Variants in SLC9A3 observed in about 807,000 individuals in gnomAD.
SLC9A3 encodes sodium/hydrogen exchanger 3.
In SLC9A3, 37 loss-of-function variants were observed where a neutral mutation model predicts 86.8. That is an observed-to-expected ratio of 0.43 (90% CI 0.33 to 0.56). SLC9A3 has a LOEUF of 0.56. Among genes scored for constraint, SLC9A3 ranks in the 20% least tolerant of loss-of-function variants. The probability of loss-of-function intolerance (pLI) is 0.06; values close to 1 mark genes in which losing one functional copy is unlikely to be tolerated. For missense variants in SLC9A3, 1,011 were observed against 1,171.9 expected, an observed-to-expected ratio of 0.86 and a Z score of 2.00; for synonymous variants, 581 against 528.3, an observed-to-expected ratio of 1.10 and a Z score of -1.37.
intron 2 of SLC9A3, among the ~76,000 whole-genome samples, chr5:490,501 C>T (rs539308227): frequency 2.0e-5 from 3 of 152,320 alleles, no homozygotes; most frequent in South Asian, 2.1e-4. Context: ...CAATGCTAGG[C>T]GGGGACCATT....
chr5:519,603 G>C (rs116724270), intron 1 of SLC9A3, among the ~76,000 whole-genome samples: 1 of 152,170 alleles, frequency 6.6e-6, no homozygotes, highest in Non-Finnish European at 1.5e-5. Context: ...GTAAGACAGC[G>C]GGGGTCCGGG....
Position 496,441 on chromosome 5 carries a change from A to G in SLC9A3, c.212-4370T>C, listed in dbSNP as rs1473759740. On this transcript the variant is annotated intron_variant, in intron 1 of 16. Coordinates refer to ENST00000264938, the MANE Select transcript of SLC9A3 (RefSeq NM_004174.4). The surrounding 1 kb of genome is among the most constrained non-coding windows in gnomAD (Gnocchi z 4.7). ...GACGCGTGAACGACCCCGTTCTGTG[A>G]AAGTGTCGGCTTGCTCCCCTGCCGG... Among the ~76,000 whole-genome samples, 1 of 152,224 alleles carries G rather than the reference A, an allele frequency of 6.6e-6. No homozygotes were observed. The highest frequency in any genetic ancestry group is 2.4e-5 in the African/African-American group (1 of 41,450).
chr5:497,226 G>T lies in SLC9A3; in HGVS notation c.212-5155C>A, dbSNP rs55946251. On this transcript the variant is annotated intron_variant, in intron 1 of 16. Coordinates refer to ENST00000264938, the MANE Select transcript of SLC9A3 (RefSeq NM_004174.4). This position sits in a 1 kb window ranked among gnomAD's most constrained non-coding sequence, Gnocchi z 5.4. ...CACTGGTGGGTGCTCCCGGTGCCCA[G>T]GCCGCTGCCCCGCAGGTGCCCCTCA... Among the ~76,000 whole-genome samples the T allele has an allele frequency of 0.18, 27,158 of 152,124 alleles. 3,117 individuals are homozygous for T. Among genetic ancestry groups the T allele is most frequent in the Non-Finnish European group, 0.25 (17,314 of 67,970 alleles).
chr5:509,731 T>A lies in SLC9A3; in HGVS notation c.211+14381A>T, dbSNP rs575666307. ...CTGTACCCCAAAGCATGTCAGGGAG[T>A]GAGAGGAGAATGGGGTGCGGGGAGG... is the stretch of plus-strand genomic sequence containing the variant. On this transcript the variant is annotated intron_variant, in intron 1 of 16. Transcript: ENST00000264938. 4.0e-5 allele frequency among the ~76,000 whole-genome samples: 6 copies of A among 150,020 alleles called. No individual in the cohort carries two copies. In the East Asian group the frequency reaches 9.8e-4, roughly 25 times the overall value.
intron 2 of SLC9A3, among the ~76,000 whole-genome samples, chr5:488,926 G>A (rs1372796537): frequency 6.6e-6 from 1 of 152,170 alleles, no homozygotes; most frequent in Admixed American, 6.5e-5. Context: ...TTGGGGGTGT[G>A]GGGGCAGATT....
Position 471,418 on chromosome 5 carries a change from C to T in SLC9A3, c.*1961G>A. On this transcript the variant is annotated 3_prime_UTR_variant, in exon 17 of 17. Transcript: ENST00000264938. ...GCACGACGCTCCTGCTCTGTTCTCC[C>T]AGGCACAGACAGGCACTTGGAAGGC... 1 of 321,264 alleles carries T rather than the reference C, an allele frequency of 3.1e-6. No individual in the cohort carries two copies. Among genetic ancestry groups the T allele is most frequent in the South Asian group, 2.6e-5 (1 of 38,812 alleles). 19.9% of individuals were successfully genotyped at this position (321,264 alleles called of 1,614,324 possible). A position where few individuals can be genotyped will look rare whatever the true frequency, so the allele number is the denominator to read the frequency against.
At chr5:481,513 G>A in intron 9 of SLC9A3, 52 bp downstream of exon 9, 1 of 1,439,030 alleles carries the variant, frequency 6.9e-7, no homozygotes. Flanking sequence ...AGTGGAGGAT[G>A]TTTCCAGAAG....
Position 524,148 on chromosome 5 carries a change from C to T in SLC9A3, c.175G>A (p.Ala59Thr). ...WAHVQDPYVI[A>T]LWILVASLAK... ...AAGCTGGCCACGAGGATCCAGAGCGCGATGACGTAGGGATCCTGCACGTGG... is the reference window on the plus strand; with the variant it reads ...AAGCTGGCCACGAGGATCCAGAGCGTGATGACGTAGGGATCCTGCACGTGG... The change falls in exon 1 of 17, where the codon GCG becomes ACG. Residue 59 changes from alanine to threonine, a missense_variant. By Grantham distance (58) the Ala-to-Thr change is moderately conservative (BLOSUM62 0). This residue lies in a region of SLC9A3 where 565 missense variants were observed against 790.0 expected (regional missense o/e 0.72). Coordinates refer to ENST00000264938, the MANE Select transcript of SLC9A3 (RefSeq NM_004174.4). 2.6e-6 allele frequency: 4 copies of T among 1,541,134 alleles called. No homozygotes were observed. Among genetic ancestry groups the T allele is most frequent in the South Asian group, 2.4e-5 (2 of 82,418 alleles).
intron 7 of SLC9A3, 36 bp from the exon 8 acceptor site, chr5:482,193 A>G (rs1020888290): frequency 2.7e-6 from 4 of 1,503,624 alleles, no homozygotes; most frequent in Non-Finnish European, 3.7e-6. Flanking sequence ...GGTGCCAGGC[A>G]GCCCCCCACA....
At chr5:495,135 G>A (rs954161935) in intron 1 of SLC9A3, among the ~76,000 whole-genome samples, 7 of 151,810 alleles carry the variant, frequency 4.6e-5, no homozygotes, top group African/African-American at 9.7e-5. Context: ...GGGAAGCAGC[G>A]GGAGTCTCGG....
At chr5:475,974 G>T (rs1428983191) in intron 14 of SLC9A3, 46 bp downstream of exon 14, 13 of 1,499,664 alleles carry the variant, frequency 8.7e-6, no homozygotes, top group Non-Finnish European at 1.2e-5. Flanking sequence ...GGGGCTGGGA[G>T]GTGGTGGCTC....
At position 476,477 on chromosome 5, in the gene SLC9A3, G is replaced by A; in HGVS notation, c.1890+66C>T. The A allele has an allele frequency of 3.1e-6, 5 of 1,603,228 alleles. No homozygotes were observed. In the East Asian group the frequency reaches 6.7e-5, roughly 22 times the overall value. ...GCACGGATCCCCCGTGGTCCCAGGAGGGGACGAGGAAGCCGCCCCACGGGG... is the reference window on the plus strand; with the variant it reads ...GCACGGATCCCCCGTGGTCCCAGGAAGGGACGAGGAAGCCGCCCCACGGGG... On this transcript the variant is annotated intron_variant, in intron 12 of 16. Coordinates refer to ENST00000264938, the MANE Select transcript of SLC9A3 (RefSeq NM_004174.4).
Position 509,604 on chromosome 5 carries a change from T to C in SLC9A3, c.211+14508A>G, listed in dbSNP as rs1299175864. 2.0e-5 allele frequency among the ~76,000 whole-genome samples: 3 copies of C among 151,926 alleles called. No individual in the cohort carries two copies. The East Asian group carries it at 5.8e-4, about 29-fold the overall frequency. ...CTGGAACTCAGGCGTGGGCAGAAGA[T>C]GGAGAACCGCGGACAGGCATCACCA... On this transcript the variant is annotated intron_variant, in intron 1 of 16. Coordinates refer to ENST00000264938, the MANE Select transcript of SLC9A3 (RefSeq NM_004174.4).
intron 1 of SLC9A3, among the ~76,000 whole-genome samples, chr5:517,683 C>A (rs146675144): frequency 7.6e-4 from 115 of 152,030 alleles, no homozygotes; most frequent in Non-Finnish European, 1.5e-3. Context: ...TCCATCCATC[C>A]ATCCATCCAC....
chr5:521,628 A>G (rs1733887052), intron 1 of SLC9A3, among the ~76,000 whole-genome samples: 1 of 151,936 alleles, frequency 6.6e-6, no homozygotes, highest in Non-Finnish European at 1.5e-5. Context: ...TTTAAACAAC[A>G]AAATGTGCCA....
rs1738510268 is a variant in SLC9A3, at chr5:473,388, G to A, written c.2502-6C>T. 2.1e-6 allele frequency: 3 copies of A among 1,410,324 alleles called. No homozygotes were observed. The African/African-American group carries it at 4.5e-5, about 21-fold the overall frequency. The allele number at this position is 1,410,324 out of a possible 1,614,324, so 87.4% of individuals were successfully genotyped here. On this transcript the variant is annotated splice_polypyrimidine_tract_variant and splice_region_variant and intron_variant, in intron 16 of 16. Transcript: ENST00000264938. ...CGTGTCGGAGCCGGTGTCACCTGCGGGAGAGGAAGGCGTGAGCGGCGCGCG... is the reference window on the plus strand; with the variant it reads ...CGTGTCGGAGCCGGTGTCACCTGCGAGAGAGGAAGGCGTGAGCGGCGCGCG...
In SLC9A3 at chr5:485,897, C is replaced by T. The variant is rs112431896; in HGVS notation, c.676-666G>A. On this transcript the variant is annotated intron_variant, in intron 3 of 16. Coordinates refer to ENST00000264938, the MANE Select transcript of SLC9A3 (RefSeq NM_004174.4). ...GTCCCGGGGTCTCTTGGGGCCTTCT[C>T]GGAGCTGGGCTTTTTAATGAAAATC... Among the ~76,000 whole-genome samples, 726 of 152,278 alleles carry T rather than the reference C, an allele frequency of 4.8e-3. 2 individuals are homozygous for T. Among genetic ancestry groups the T allele is most frequent in the Non-Finnish European group, 8.7e-3 (590 of 68,002 alleles).
intron 3 of SLC9A3, among the ~76,000 whole-genome samples, chr5:486,307 C>T (rs1739460150): frequency 1.3e-5 from 2 of 152,170 alleles, no homozygotes; most frequent in Admixed American, 1.3e-4. Flanking sequence ...GCTGGCCTCA[C>T]TGACGGTTCC....
Position 476,346 on chromosome 5 carries a change from C to G in SLC9A3, c.1923G>C (p.Thr641=). The G allele has an allele frequency of 1.2e-6, 2 of 1,613,904 alleles. No individual in the cohort carries two copies. The highest frequency in any genetic ancestry group is 1.7e-6 in the Non-Finnish European group (2 of 1,180,010). Reference sequence around the variant, plus strand: ...GGTCCTGTTTCTCGTCCTCCGTGGGCGTGAGCTCGTGTCGGCTGTACAGAT... The same window carrying G: ...GGTCCTGTTTCTCGTCCTCCGTGGGGGTGAGCTCGTGTCGGCTGTACAGAT... ...YKHLYSRHEL[T]PTEDEKQDRE... The change falls in exon 13 of 17, where the codon ACG becomes ACC. Residue 641 remains threonine, a synonymous_variant. Coordinates refer to ENST00000264938, the MANE Select transcript of SLC9A3 (RefSeq NM_004174.4).
Sources: allele counts gnomAD v4.1 joint callset (sites outside exome capture counted in the v4.1 genomes callset), GRCh38; gene constraint gnomAD v4.1.1; regional missense constraint gnomAD v4.1.1; non-coding constraint Gnocchi (gnomAD v3.1); transcripts MANE v1.5; gene names NCBI Gene and HGNC (gene_info 2026-07-23, HGNC 2026-07-21).